Variants in ANK1 observed in about 807,000 individuals in gnomAD.
ANK1 encodes ankyrin-1.
A neutral mutation model predicts 210.4 loss-of-function variants in ANK1; 51 were observed. That is an observed-to-expected ratio of 0.24 (90% CI 0.19 to 0.31). The LOEUF (loss-of-function observed/expected upper bound fraction) is 0.31, where lower values mean the gene tolerates loss of function less well. Ranked by LOEUF, ANK1 falls within the 10% of genes least tolerant of loss-of-function variation. ANK1 has a pLI of 1.00. For synonymous variants in ANK1, 967 were observed against 1,025.9 expected, an observed-to-expected ratio of 0.94 and a Z score of 1.10; for missense variants, 2,051 against 2,504.4, an observed-to-expected ratio of 0.82 and a Z score of 3.86.
chr8:41,682,261 C>T (rs1816290150), intron 37 of ANK1, among the ~76,000 whole-genome samples: 1 of 152,204 alleles, frequency 6.6e-6, no homozygotes, highest in Non-Finnish European at 1.5e-5. Flanking sequence ...AAATCTTCCA[C>T]CTCAGTGCCG....
intron 1 of ANK1, among the ~76,000 whole-genome samples, chr8:41,868,425 C>T (rs913719042): frequency 6.6e-6 from 1 of 152,200 alleles, no homozygotes; most frequent in African/African-American, 2.4e-5. Flanking sequence ...AGTTCAGAAC[C>T]ACTGCACCAA....
chr8:41,766,940 C>G (rs944815506), intron 1 of ANK1, among the ~76,000 whole-genome samples: 4 of 152,184 alleles, frequency 2.6e-5, no homozygotes, highest in African/African-American at 9.6e-5. Flanking sequence ...ATCTCCCACC[C>G]CCTGCTGAAT....
intron 2 of ANK1, among the ~76,000 whole-genome samples, chr8:41,754,543 T>A (rs182374546): frequency 6.6e-6 from 1 of 152,218 alleles, no homozygotes; most frequent in Non-Finnish European, 1.5e-5. Context: ...TATGTAAGGA[T>A]AAGTATTTGC....
chr8:41,734,133 T>C (rs1832854006), intron 2 of ANK1, 64 bp from the exon 3 acceptor site: 2 of 1,401,122 alleles, frequency 1.4e-6, no homozygotes, highest in African/African-American at 2.8e-5. Context: ...CACGTCCCAG[T>C]GGGGGCCCAG....
intron 13 of ANK1, among the ~76,000 whole-genome samples, chr8:41,716,513 C>T (rs1039689076): frequency 6.6e-5 from 10 of 152,072 alleles, no homozygotes; most frequent in African/African-American, 1.9e-4. Context: ...TGCTGTTGGC[C>T]GAGTGAGCAA....
Position 41,782,651 on chromosome 8 carries a change from G to A in ANK1, c.27+14861C>T, listed in dbSNP as rs74980830. ...CTGTCTCAGGGGGTCTCAGATTCTC[G>A]CTGAATTGAATTCTAAGCATTTTAT... On this transcript the variant is annotated intron_variant, in intron 1 of 42. Transcript: ENST00000289734. Among the ~76,000 whole-genome samples the A allele has an allele frequency of 1.0e-3, 152 of 152,272 alleles. 3 individuals are homozygous for A. The East Asian group carries it at 0.027, about 27-fold the overall frequency.
intron 2 of ANK1, among the ~76,000 whole-genome samples, chr8:41,742,624 T>C (rs1289494119): frequency 6.6e-6 from 1 of 152,184 alleles, no homozygotes; most frequent in Non-Finnish European, 1.5e-5. Flanking sequence ...ACACAAACTT[T>C]GCATCAATCA....
intron 38 of ANK1, among the ~76,000 whole-genome samples, chr8:41,670,822 C>A (rs933868214): frequency 6.6e-6 from 1 of 152,218 alleles, no homozygotes; most frequent in African/African-American, 2.4e-5. Flanking sequence ...GGGCCTGGAA[C>A]AGCTGCCTGG....
intron 1 of ANK1, among the ~76,000 whole-genome samples, chr8:41,834,176 A>G (rs1175020439): frequency 6.6e-6 from 1 of 152,228 alleles, no homozygotes; most frequent in Non-Finnish European, 1.5e-5. Context: ...AGGTCACTCC[A>G]GCAGGAGGAG....
At chr8:41,821,043 A>G (rs1234415719) in intron 1 of ANK1, among the ~76,000 whole-genome samples, 1 of 152,188 alleles carries the variant, frequency 6.6e-6, no homozygotes, top group Non-Finnish European at 1.5e-5. Context: ...ACAGATGCAA[A>G]TTTCTTTAAC....
chr8:41,737,973 T>G (rs1833851500), intron 2 of ANK1, among the ~76,000 whole-genome samples: 1 of 152,140 alleles, frequency 6.6e-6, no homozygotes, highest in South Asian at 2.1e-4. Context: ...ACAAACTGTT[T>G]CCCTTGAAGA....
intron 1 of ANK1, among the ~76,000 whole-genome samples, chr8:41,840,568 T>C (rs1808698552): frequency 6.6e-6 from 1 of 152,212 alleles, no homozygotes; most frequent in Non-Finnish European, 1.5e-5. Context: ...GTGAGGGCTG[T>C]CGCCCTGGCT....
intron 1 of ANK1, among the ~76,000 whole-genome samples, chr8:41,796,054 A>G (rs1848678348): frequency 2.0e-5 from 3 of 152,242 alleles, no homozygotes; most frequent in Admixed American, 2.0e-4. Context: ...TATACCAATA[A>G]CAGAGAAGAA....
At chr8:41,821,323 G>A (rs753414324) in intron 1 of ANK1, among the ~76,000 whole-genome samples, 3 of 152,062 alleles carry the variant, frequency 2.0e-5, no homozygotes, top group Non-Finnish European at 4.4e-5. Flanking sequence ...TGCTAAAAAG[G>A]ATGGTCTATT....
intron 17 of ANK1, 32 bp from the exon 18 acceptor site, chr8:41,706,273 T>G (rs1020252): frequency 0.018 from 27,947 of 1,592,842 alleles, 511 homozygotes; most frequent in African/African-American, 0.089. Context: ...TCACCTTCTA[T>G]CAAGTAAAGA....
chr8:41,839,859 G>A (rs969734877), intron 1 of ANK1, among the ~76,000 whole-genome samples: 3 of 152,126 alleles, frequency 2.0e-5, no homozygotes, highest in African/African-American at 7.2e-5. Flanking sequence ...AAGGAAATCC[G>A]AATAATGTAT....
At position 41,716,921 on chromosome 8, in the gene ANK1, GA is replaced by G; in HGVS notation, c.1404+31del. ...CACAGTGCTGGAACTGCTCACATCT[GA>G]AACCCTTCCCTTCCTGCCTTCACTA... On this transcript the variant is annotated intron_variant, in intron 13 of 42. Coordinates refer to ENST00000289734, the MANE Select transcript of ANK1 (RefSeq NM_000037.4). 1.9e-6 allele frequency: 3 copies of G among 1,603,978 alleles called. No homozygotes were observed. The South Asian group carries it at 3.3e-5, about 18-fold the overall frequency.
chr8:41,835,532 G>T (rs1476553592), intron 1 of ANK1, among the ~76,000 whole-genome samples: 1 of 152,148 alleles, frequency 6.6e-6, no homozygotes, highest in Admixed American at 6.5e-5. Context: ...GGCCGAGGCT[G>T]CAGTCACCTT....
At chr8:41,669,518 C>T (rs1811570743) in intron 38 of ANK1, among the ~76,000 whole-genome samples, 2 of 152,102 alleles carry the variant, frequency 1.3e-5, no homozygotes, top group South Asian at 4.1e-4. Context: ...TGGATCTCTA[C>T]TTGGCATCTC....
Sources: allele counts gnomAD v4.1 joint callset (sites outside exome capture counted in the v4.1 genomes callset), GRCh38; gene constraint gnomAD v4.1.1; transcripts MANE v1.5; gene names NCBI Gene and HGNC (gene_info 2026-07-23, HGNC 2026-07-21).